Variants in IPCEF1 observed in about 807,000 individuals in gnomAD.
IPCEF1 encodes the protein interactor protein for cytohesin exchange factors 1.
Under a neutral mutation model 50.9 loss-of-function variants are expected in IPCEF1, and 31 were observed. The observed-to-expected ratio is 0.61, with a 90% CI of 0.46 to 0.82. The LOEUF (loss-of-function observed/expected upper bound fraction) is 0.82. Ranked by LOEUF, IPCEF1 falls within the 40% of genes least tolerant of loss-of-function variation. The pLI, the probability that IPCEF1 is intolerant of heterozygous loss-of-function variation, is 0.00. For synonymous variants in IPCEF1, 181 were observed against 192.0 expected, an observed-to-expected ratio of 0.94 and a Z score of 0.47; for missense variants, 458 against 514.0, an observed-to-expected ratio of 0.89 and a Z score of 1.05.
chr6:154,209,285 C>T (rs746463375), intron 9 of IPCEF1, among the ~76,000 whole-genome samples: 4 of 152,092 alleles, frequency 2.6e-5, no homozygotes, highest in Admixed American at 6.5e-5. Flanking sequence ...ATTTTTGCCC[C>T]TAGGCTTGTA....
intron 1 of IPCEF1, among the ~76,000 whole-genome samples, chr6:154,317,447 G>A (rs988876323): frequency 2.0e-5 from 3 of 148,092 alleles, no homozygotes; most frequent in Non-Finnish European, 4.4e-5. Flanking sequence ...TACTCAGGAG[G>A]CTAAGGCAGA....
intron 1 of IPCEF1, among the ~76,000 whole-genome samples, chr6:154,306,543 T>C (rs1782940677): frequency 6.6e-6 from 1 of 152,184 alleles, no homozygotes; most frequent in Non-Finnish European, 1.5e-5. Flanking sequence ...AGCCCATTAA[T>C]AGTCAAGAAA....
At position 154,157,248 on chromosome 6, in the gene IPCEF1, T is replaced by G. The variant is rs1345100310; in HGVS notation, c.*2580A>C. The G allele has an allele frequency of 6.6e-6, 1 of 152,334 alleles. No individual in the cohort carries two copies. Among genetic ancestry groups the G allele is most frequent in the African/African-American group, 2.4e-5 (1 of 41,458 alleles). The allele number at this position is 152,334 out of a possible 1,614,324, so 9.4% of individuals were successfully genotyped here. On this transcript the variant is annotated 3_prime_UTR_variant, in exon 12 of 12. Coordinates refer to ENST00000367220, the MANE Select transcript of IPCEF1 (RefSeq NM_001130700.2). ...TCCTGTCTATCCCCCCACCCACGTC[T>G]TAGTGGCCACAGCCTAGGCTGAGAA...
intron 3 of IPCEF1, among the ~76,000 whole-genome samples, chr6:154,263,255 AT>A (rs912953656): frequency 3.5e-5 from 5 of 141,748 alleles, no homozygotes; most frequent in African/African-American, 1.1e-4. Context: ...TTATTTATTT[AT>A]TTTTTTTAAT....
At chr6:154,236,332 AACT>A in intron 5 of IPCEF1, among the ~76,000 whole-genome samples, 1 of 152,328 alleles carries the variant, frequency 6.6e-6, no homozygotes, top group Non-Finnish European at 1.5e-5. Flanking sequence ...TATAGGAGGG[AACT>A]ACAGTAGTCA....
intron 7 of IPCEF1, among the ~76,000 whole-genome samples, chr6:154,215,866 C>T (rs924469569): frequency 5.3e-5 from 8 of 151,860 alleles, no homozygotes; most frequent in South Asian, 2.1e-4. Context: ...AGACAATATG[C>T]GAAAAAAATT....
intron 2 of IPCEF1, among the ~76,000 whole-genome samples, chr6:154,272,498 A>G (rs901659873): frequency 1.3e-4 from 20 of 152,234 alleles, no homozygotes; most frequent in Middle Eastern, 3.2e-3. Flanking sequence ...AAACTACAAC[A>G]TGAAACATAG....
intron 2 of IPCEF1, among the ~76,000 whole-genome samples, chr6:154,267,658 A>G (rs773744585): frequency 5.3e-5 from 8 of 152,198 alleles, no homozygotes; most frequent in Non-Finnish European, 1.0e-4. Context: ...ATAGTGGGTA[A>G]TTCCTCTCCA....
At chr6:154,321,854 C>T (rs1293930) in intron 1 of IPCEF1, among the ~76,000 whole-genome samples, 12,088 of 144,604 alleles carry the variant, frequency 0.084, 674 homozygotes, top group Non-Finnish European at 0.13. Context: ...GGAGATAATT[C>T]TCAAGTCTTT....
At chr6:154,240,727 G>C (rs1311843888) in intron 5 of IPCEF1, among the ~76,000 whole-genome samples, 1 of 152,174 alleles carries the variant, frequency 6.6e-6, no homozygotes, top group African/African-American at 2.4e-5. Context: ...AAATTCACAT[G>C]AAGTGTGCAT....
chr6:154,264,280 T>C (rs1781695656), intron 3 of IPCEF1, among the ~76,000 whole-genome samples: 2 of 152,106 alleles, frequency 1.3e-5, no homozygotes. Flanking sequence ...CACTCTCCAT[T>C]CATGATTCAG....
At chr6:154,334,880 G>T (rs1283176106) in intron 1 of IPCEF1, among the ~76,000 whole-genome samples, 1 of 152,052 alleles carries the variant, frequency 6.6e-6, no homozygotes, top group African/African-American at 2.4e-5. Context: ...GAAGCCTCAA[G>T]GTCTCTCTGA....
intron 1 of IPCEF1, among the ~76,000 whole-genome samples, chr6:154,318,963 T>G (rs2128685903): frequency 6.6e-6 from 1 of 152,304 alleles, no homozygotes; most frequent in East Asian, 1.9e-4. Context: ...TAATTTTTGC[T>G]TTATGTGCTG....
chr6:154,329,390 G>A lies in IPCEF1; in HGVS notation c.-62+27282C>T, dbSNP rs577374186. 2.6e-5 allele frequency among the ~76,000 whole-genome samples: 4 copies of A among 152,088 alleles called. No homozygotes were observed. In the South Asian group the frequency reaches 8.3e-4, roughly 32 times the overall value. ...GCAGGAAGATCACTTGAGCTCAGGA[G>A]TTTGAGATCAGCCTGGGCAACAAAG... On this transcript the variant is annotated intron_variant, in intron 1 of 11. Transcript: ENST00000367220.
At chr6:154,305,161 G>C (rs1234794051) in intron 1 of IPCEF1, among the ~76,000 whole-genome samples, 1 of 131,616 alleles carries the variant, frequency 7.6e-6, no homozygotes, top group African/African-American at 3.9e-5. Context: ...TATGTGAGAA[G>C]ACTGTGCCTC....
chr6:154,180,512 T>C (rs1800779660), intron 10 of IPCEF1, among the ~76,000 whole-genome samples: 1 of 151,788 alleles, frequency 6.6e-6, no homozygotes, highest in Non-Finnish European at 1.5e-5. Context: ...TCCAAGACCC[T>C]GCCAAATGAA....
chr6:154,181,245 T>C (rs1224599194), intron 10 of IPCEF1, among the ~76,000 whole-genome samples: 1 of 152,226 alleles, frequency 6.6e-6, no homozygotes. Flanking sequence ...AACATTGGCA[T>C]AGTATAATTT....
intron 2 of IPCEF1, among the ~76,000 whole-genome samples, chr6:154,285,339 T>G (rs1020037839): frequency 6.6e-6 from 1 of 152,204 alleles, no homozygotes; most frequent in African/African-American, 2.4e-5. Flanking sequence ...TGTCTACATA[T>G]AATAAATGCA....
chr6:154,275,515 G>C (rs1782033791), intron 2 of IPCEF1, among the ~76,000 whole-genome samples: 1 of 152,200 alleles, frequency 6.6e-6, no homozygotes, highest in Admixed American at 6.5e-5. Flanking sequence ...AGCCAGATAG[G>C]AATAGCAAGC....
Sources: gnomAD v4.1 joint callset for allele counts (sites outside exome capture counted in the v4.1 genomes callset) on GRCh38, gnomAD v4.1.1 for gene constraint, MANE v1.5 for transcripts, NCBI Gene and HGNC (gene_info 2026-07-23, HGNC 2026-07-21) for gene names.